FAT3: variants seen among roughly 807,000 people sequenced by gnomAD.
FAT3 encodes the protein protocadherin Fat 3.
A neutral mutation model predicts 310.2 loss-of-function variants in FAT3; 95 were observed. That is an observed-to-expected ratio of 0.31 (90% confidence interval 0.26 to 0.36). The LOEUF is 0.36. Among genes scored for constraint, FAT3 ranks in the 10% least tolerant of loss-of-function variants. The probability of loss-of-function intolerance (pLI) is 1.00; values close to 1 mark genes in which losing one functional copy is unlikely to be tolerated. For synonymous variants in FAT3, 2,314 were observed against 2,192.9 expected (o/e 1.06, Z -1.54); for missense variants, 5,408 against 5,715.6 (o/e 0.95, Z 1.74).
intron 2 of FAT3, among the ~76,000 whole-genome samples, chr11:92,518,747 T>G (rs1953583622): frequency 6.6e-6 from 1 of 152,068 alleles, no homozygotes; most frequent in Non-Finnish European, 1.5e-5. Flanking sequence ...CAACAGTAAC[T>G]TATATACTAA....
At chr11:92,237,166 A>G (rs190719016) in intron 1 of FAT3, among the ~76,000 whole-genome samples, 17 of 152,318 alleles carry the variant, frequency 1.1e-4, no homozygotes, top group African/African-American at 4.1e-4. Context: ...GCAAAAGAAA[A>G]AATCCTTATA....
intron 3 of FAT3, among the ~76,000 whole-genome samples, chr11:92,529,098 A>C (rs976572250): frequency 2.3e-4 from 35 of 152,370 alleles, no homozygotes; most frequent in African/African-American, 7.9e-4. Context: ...GACATAACAG[A>C]AATACATTGG....
At chr11:92,377,010 T>G (rs11825546) in intron 2 of FAT3, among the ~76,000 whole-genome samples, 22,242 of 152,154 alleles carry the variant, frequency 0.15, 1,620 homozygotes, top group South Asian at 0.18. Flanking sequence ...CAATAGACAT[T>G]AAAAAGATGA....
chr11:92,480,343 G>T (rs1466053812), intron 2 of FAT3, among the ~76,000 whole-genome samples: 1 of 152,202 alleles, frequency 6.6e-6, no homozygotes, highest in Non-Finnish European at 1.5e-5. Flanking sequence ...ATATTTTGGA[G>T]TCAAAGGCAG....
chr11:92,580,392 C>G (rs1938725203), intron 3 of FAT3, among the ~76,000 whole-genome samples: 2 of 152,040 alleles, frequency 1.3e-5, no homozygotes, highest in Non-Finnish European at 2.9e-5. Flanking sequence ...TGTCAAAAGT[C>G]TTACCCATAT....
chr11:92,447,230 T>C (rs12364269), intron 2 of FAT3, among the ~76,000 whole-genome samples: 6 of 140,216 alleles, frequency 4.3e-5, no homozygotes, highest in South Asian at 2.1e-4. Flanking sequence ...TGCGTGTGTG[T>C]GTGTGTGTGT....
chr11:92,640,673 T>C (rs948868384), intron 3 of FAT3, among the ~76,000 whole-genome samples: 6 of 152,206 alleles, frequency 3.9e-5, no homozygotes, highest in African/African-American at 1.4e-4. Flanking sequence ...ATACTTATTT[T>C]ATGAATGCAG....
At chr11:92,412,238 G>A (rs980710221) in intron 2 of FAT3, among the ~76,000 whole-genome samples, 7 of 151,796 alleles carry the variant, frequency 4.6e-5, no homozygotes, top group African/African-American at 7.3e-5. Flanking sequence ...GAGTAGCTGG[G>A]ATTACAGGTG....
intron 4 of FAT3, among the ~76,000 whole-genome samples, chr11:92,715,258 A>AC (rs1445092910): frequency 6.6e-6 from 1 of 150,562 alleles, no homozygotes; most frequent in Non-Finnish European, 1.5e-5. Context: ...AAAAAAAAAA[A>AC]ATAGCTGGGT....
chr11:92,394,604 C>T (rs1011545119), intron 2 of FAT3, among the ~76,000 whole-genome samples: 1 of 151,730 alleles, frequency 6.6e-6, no homozygotes, highest in Non-Finnish European at 1.5e-5. Context: ...TGGGCAAATT[C>T]CTTGATCTAT....
chr11:92,659,336 C>T (rs1427794252), intron 3 of FAT3, among the ~76,000 whole-genome samples: 3 of 152,292 alleles, frequency 2.0e-5, no homozygotes, highest in Admixed American at 6.5e-5. Context: ...TAAAATAATA[C>T]AGGTCCCCAT....
rs1864106750 is a variant in FAT3, at chr11:92,230,120, C to G, written c.-18+4946C>G. ...TTCAACGTTCTGCTCTTCCAGGGTT[C>G]CAAAACTGTGAATTATAGACTCTTT... On this transcript the variant is annotated intron_variant, in intron 1 of 27. Coordinates refer to ENST00000525166, the MANE Select transcript of FAT3 (RefSeq NM_001367949.2). 2.0e-5 allele frequency among the ~76,000 whole-genome samples: 3 copies of G among 151,936 alleles called. No homozygotes were observed. In the South Asian group the frequency reaches 6.2e-4, roughly 32 times the overall value.
chr11:92,338,083 T>C (rs11019911), intron 1 of FAT3, among the ~76,000 whole-genome samples: 11,414 of 152,238 alleles, frequency 0.075, 601 homozygotes, highest in African/African-American at 0.14. Context: ...GTTAAACAAA[T>C]TTTCCCTGAC....
chr11:92,651,837 C>T (rs951681429), intron 3 of FAT3, among the ~76,000 whole-genome samples: 1 of 152,150 alleles, frequency 6.6e-6, no homozygotes, highest in Non-Finnish European at 1.5e-5. Flanking sequence ...TTTTATTCCC[C>T]AGCTCTTGAA....
intron 4 of FAT3, among the ~76,000 whole-genome samples, chr11:92,753,653 G>A (rs369089458): frequency 1.3e-5 from 2 of 151,938 alleles, no homozygotes; most frequent in Admixed American, 6.5e-5. Context: ...AAAATAGTAT[G>A]GAGGTTCCTC....
chr11:92,447,902 C>T (rs968943510), intron 2 of FAT3, among the ~76,000 whole-genome samples: 16 of 152,132 alleles, frequency 1.1e-4, no homozygotes, highest in African/African-American at 2.7e-4. Context: ...TAAAAACTTG[C>T]AAACACAGTG....
chr11:92,269,381 C>T (rs531788961), intron 1 of FAT3, among the ~76,000 whole-genome samples: 1 of 152,266 alleles, frequency 6.6e-6, no homozygotes, highest in East Asian at 1.9e-4. Flanking sequence ...CAGGTAGACA[C>T]TGGTTCCTTT....
intron 17 of FAT3, among the ~76,000 whole-genome samples, 188 bp from the exon 18 acceptor site, chr11:92,840,373 CA>C (rs1429231491): frequency 6.6e-6 from 1 of 152,214 alleles, no homozygotes; most frequent in African/African-American, 2.4e-5. Context: ...ATGACACTTA[CA>C]GACACCAACA....
chr11:92,265,037 A>G (rs548018769), intron 1 of FAT3, among the ~76,000 whole-genome samples: 20 of 152,156 alleles, frequency 1.3e-4, no homozygotes, highest in Non-Finnish European at 2.6e-4. Context: ...AGGTTGAAAA[A>G]AAAACCAAAA....
Sources: gnomAD v4.1 joint callset for allele counts (sites outside exome capture counted in the v4.1 genomes callset) on GRCh38, gnomAD v4.1.1 for gene constraint, MANE v1.5 for transcripts, NCBI Gene and HGNC (gene_info 2026-07-23, HGNC 2026-07-21) for gene names.